RNF180: variants seen among roughly 807,000 people sequenced by gnomAD.
RNF180 encodes ring finger protein 180, also known as E3 ubiquitin-protein ligase RNF180.
In RNF180, 38 loss-of-function variants were observed where a neutral mutation model predicts 59.2. That is an observed-to-expected ratio of 0.64 (90% CI 0.50 to 0.84). RNF180 has a LOEUF of 0.84. Among genes scored for constraint, RNF180 ranks in the 40% least tolerant of loss-of-function variants. The pLI is 0.00. For missense variants in RNF180, 705 were observed against 700.9 expected, an observed-to-expected ratio of 1.01 and a Z score of -0.07; for synonymous variants, 262 against 240.3, an observed-to-expected ratio of 1.09 and a Z score of -0.84.
intron 5 of RNF180, among the ~76,000 whole-genome samples, chr5:64,287,454 C>CT (rs894091224): frequency 6.6e-6 from 1 of 152,132 alleles, no homozygotes; most frequent in South Asian, 2.1e-4. Context: ...GGAGGATTCT[C>CT]TTAAGTTTCC....
rs893451921 is a variant in RNF180, at chr5:64,356,481, G to A, written c.1580-13134G>A. Among the ~76,000 whole-genome samples the A allele has an allele frequency of 2.6e-5, 4 of 151,920 alleles. 1 individual carries two copies. Among genetic ancestry groups the A allele is most frequent in the Middle Eastern group, 3.4e-3 (1 of 294 alleles). ...TCGAAAAGCTAATCATAGAATTACCGTATGACTCTACAGTTCTGTGTATAC... is the reference window on the plus strand; with the variant it reads ...TCGAAAAGCTAATCATAGAATTACCATATGACTCTACAGTTCTGTGTATAC... On this transcript the variant is annotated intron_variant, in intron 7 of 7. Transcript: ENST00000389100.
chr5:64,363,016 A>G (rs1242528862), intron 7 of RNF180, among the ~76,000 whole-genome samples: 1 of 151,530 alleles, frequency 6.6e-6, no homozygotes, highest in Admixed American at 6.6e-5. Flanking sequence ...ATTTTCTCTC[A>G]TTCTGTAGGT....
At chr5:64,233,965 TA>T (rs1742250060) in intron 5 of RNF180, among the ~76,000 whole-genome samples, 1 of 152,172 alleles carries the variant, frequency 6.6e-6, no homozygotes, top group Non-Finnish European at 1.5e-5. Flanking sequence ...ACATGGCTTG[TA>T]AGTTGGAGAG....
At chr5:64,307,365 T>C (rs1207368271) in intron 5 of RNF180, among the ~76,000 whole-genome samples, 1 of 151,600 alleles carries the variant, frequency 6.6e-6, no homozygotes, top group Non-Finnish European at 1.5e-5. Flanking sequence ...TTTAGACATC[T>C]ATTCTTTGAT....
At chr5:64,228,423 A>AG (rs1741903679) in intron 5 of RNF180, among the ~76,000 whole-genome samples, 1 of 152,166 alleles carries the variant, frequency 6.6e-6, no homozygotes, top group Non-Finnish European at 1.5e-5. Flanking sequence ...ATGAGGTGGG[A>AG]GGATCGCTTG....
chr5:64,341,411 C>CAA (rs1745348870), intron 7 of RNF180, among the ~76,000 whole-genome samples: 1 of 152,032 alleles, frequency 6.6e-6, no homozygotes, highest in African/African-American at 2.4e-5. Context: ...GCTCTTAACT[C>CAA]AAACTGGACT....
intron 5 of RNF180, among the ~76,000 whole-genome samples, chr5:64,256,511 T>C (rs933012987): frequency 1.3e-5 from 2 of 152,180 alleles, no homozygotes; most frequent in Non-Finnish European, 2.9e-5. Flanking sequence ...CAGATGGTTG[T>C]AGGTGTGTAG....
chr5:64,213,590 T>C lies in RNF180; in HGVS notation c.264T>C (p.Pro88=). Residue 88 remains proline, a synonymous_variant, in exon 4 of 8, where the codon CCT becomes CCC. Coordinates refer to ENST00000389100, the MANE Select transcript of RNF180 (RefSeq NM_001113561.2). ...AQWTVGKLNC[P]FCGARLGGFN... ...GGACAGTTGGAAAACTGAATTGTCC[T>C]TTCTGTGGGGCCCGTTTAGGGGGCT... 1 of 1,613,998 alleles carries C rather than the reference T, an allele frequency of 6.2e-7. No homozygotes were observed. The highest frequency in any genetic ancestry group is 8.5e-7 in the Non-Finnish European group (1 of 1,179,878).
chr5:64,313,782 G>GA (rs1410237434), intron 5 of RNF180, among the ~76,000 whole-genome samples: 1 of 152,116 alleles, frequency 6.6e-6, no homozygotes, highest in Non-Finnish European at 1.5e-5. Flanking sequence ...CAGTGTGTAA[G>GA]TGTTCCCTTT....
At chr5:64,356,555 T>C in intron 7 of RNF180, among the ~76,000 whole-genome samples, 1 of 151,890 alleles carries the variant, frequency 6.6e-6, no homozygotes, top group East Asian at 1.9e-4. Context: ...TATGCCAATG[T>C]TCATTGCAGC....
chr5:64,194,931 C>A (rs925436276), intron 1 of RNF180, among the ~76,000 whole-genome samples: 2 of 151,960 alleles, frequency 1.3e-5, no homozygotes, highest in Non-Finnish European at 2.9e-5. Context: ...ATGAACAGAT[C>A]ACAAGTATAC....
intron 5 of RNF180, among the ~76,000 whole-genome samples, chr5:64,310,599 C>T (rs572751422): frequency 9.3e-5 from 14 of 151,196 alleles, no homozygotes; most frequent in South Asian, 8.3e-4. Context: ...CTGATAAATA[C>T]CAGATCTCAG....
chr5:64,243,767 G>T (rs1742973005), intron 5 of RNF180, among the ~76,000 whole-genome samples: 1 of 152,108 alleles, frequency 6.6e-6, no homozygotes, highest in African/African-American at 2.4e-5. Flanking sequence ...TCCTCAAGTG[G>T]GTCCCTGACC....
chr5:64,319,332 G>T (rs1173723897), intron 5 of RNF180, among the ~76,000 whole-genome samples: 4 of 151,988 alleles, frequency 2.6e-5, no homozygotes, highest in Non-Finnish European at 5.9e-5. Flanking sequence ...AATTTCTATA[G>T]AAGACACCAC....
intron 5 of RNF180, among the ~76,000 whole-genome samples, chr5:64,220,934 A>T (rs1389862): frequency 0.01 from 1,581 of 152,192 alleles, 65 homozygotes; most frequent in Admixed American, 0.071. Flanking sequence ...AAAGGGTGTG[A>T]TTTAGACACT....
At chr5:64,331,567 A>C (rs940726970) in intron 7 of RNF180, among the ~76,000 whole-genome samples, 4 of 152,084 alleles carry the variant, frequency 2.6e-5, no homozygotes, top group African/African-American at 9.7e-5. Flanking sequence ...CCTGCCTGTG[A>C]ATAGGAGATA....
chr5:64,280,851 T>C (rs1177619212), intron 5 of RNF180, among the ~76,000 whole-genome samples: 2 of 152,210 alleles, frequency 1.3e-5, no homozygotes, highest in Non-Finnish European at 2.9e-5. Flanking sequence ...CATTGGTAGT[T>C]TGATAGAAAT....
intron 1 of RNF180, among the ~76,000 whole-genome samples, chr5:64,182,882 A>G (rs570556553): frequency 6.6e-6 from 1 of 152,332 alleles, no homozygotes; most frequent in Admixed American, 6.5e-5. Context: ...TATTTTTAGA[A>G]TGGCTAAAGG....
At chr5:64,321,648 G>T (rs1027500531) in intron 5 of RNF180, among the ~76,000 whole-genome samples, 2 of 151,884 alleles carry the variant, frequency 1.3e-5, no homozygotes, top group African/African-American at 4.8e-5. Flanking sequence ...ATTTTTCACA[G>T]AATTAGAAAA....
Sources: allele counts gnomAD v4.1 joint callset (sites outside exome capture counted in the v4.1 genomes callset), GRCh38; gene constraint gnomAD v4.1.1; transcripts MANE v1.5; gene names NCBI Gene and HGNC (gene_info 2026-07-23, HGNC 2026-07-21).